The following ADAMTSL1 variants were observed in gnomAD, a reference collection of about 807,000 sequenced individuals.
The protein encoded by ADAMTSL1 is ADAMTS-like protein 1.
In ADAMTSL1, 126 loss-of-function variants were observed where a neutral mutation model predicts 201.8. The ratio of observed to expected loss-of-function variants is 0.62; its 90% CI spans 0.54 to 0.72. ADAMTSL1 has a LOEUF of 0.72. Ranked by LOEUF, ADAMTSL1 falls within the 30% of genes least tolerant of loss-of-function variation. ADAMTSL1 has a pLI of 0.00. For synonymous variants in ADAMTSL1, 1,121 were observed against 903.4 expected (o/e 1.24, Z -4.32); for missense variants, 2,679 against 2,277.8 (o/e 1.18, Z -3.59).
intron 2 of ADAMTSL1, among the ~76,000 whole-genome samples, chr9:18,415,426 T>C (rs1818631916): frequency 6.6e-6 from 1 of 152,162 alleles, no homozygotes; most frequent in Non-Finnish European, 1.5e-5. Context: ...CCATGGACCA[T>C]ATTAGTAACA....
chr9:18,020,974 C>T (rs1003132269), intron 1 of ADAMTSL1, among the ~76,000 whole-genome samples: 7 of 152,086 alleles, frequency 4.6e-5, no homozygotes, highest in Non-Finnish European at 7.4e-5. Flanking sequence ...GTCATCTGGG[C>T]GTGATAGCCC....
chr9:18,514,657 C>G (rs555760982), intron 2 of ADAMTSL1, among the ~76,000 whole-genome samples: 3 of 152,174 alleles, frequency 2.0e-5, no homozygotes, highest in Admixed American at 2.0e-4. Context: ...TTTTGTATCC[C>G]TCAGTTTTAC....
At position 18,220,470 on chromosome 9, in the gene ADAMTSL1, A is replaced by T. The variant is rs12347083; in HGVS notation, c.207+56489A>T. Among the ~76,000 whole-genome samples the T allele has an allele frequency of 3.6e-3, 541 of 152,176 alleles. 2 individuals carry two copies. The highest frequency in any genetic ancestry group is 6.3e-3 in the Non-Finnish European group (430 of 68,006). On this transcript the variant is annotated intron_variant, in intron 2 of 29. Coordinates refer to the ADAMTSL1 transcript ENST00000680146. ...TTTATTGTCATTTTGTCTGTTTTTTAAAATTTTTCAATACCTTCATCTTTA... is the reference window on the plus strand; with the variant it reads ...TTTATTGTCATTTTGTCTGTTTTTTTAAATTTTTCAATACCTTCATCTTTA...
intron 2 of ADAMTSL1, among the ~76,000 whole-genome samples, chr9:18,178,719 C>T (rs1251392345): frequency 1.3e-5 from 2 of 152,078 alleles, no homozygotes; most frequent in African/African-American, 2.4e-5. Context: ...GTCCCTGACC[C>T]CTGACCCCCG....
At chr9:18,367,412 G>A (rs1836815884) in intron 2 of ADAMTSL1, among the ~76,000 whole-genome samples, 3 of 151,536 alleles carry the variant, frequency 2.0e-5, no homozygotes, top group Admixed American at 2.0e-4. Context: ...TGACATAATG[G>A]AAAGAAATGG....
chr9:18,093,925 G>A, intron 1 of ADAMTSL1, among the ~76,000 whole-genome samples: 1 of 152,172 alleles, frequency 6.6e-6, no homozygotes, highest in Admixed American at 6.5e-5. Flanking sequence ...ACTCTAAGAG[G>A]AGAGGAAAAG....
chr9:18,239,050 A>G (rs942952848), intron 2 of ADAMTSL1, among the ~76,000 whole-genome samples: 3 of 152,246 alleles, frequency 2.0e-5, no homozygotes, highest in Non-Finnish European at 4.4e-5. Flanking sequence ...ATAAAAATGA[A>G]TATACCTTAA....
Position 18,122,006 on chromosome 9 carries a change from A to G in ADAMTSL1, c.88-41856A>G, listed in dbSNP as rs148582234. Reference sequence around the variant, plus strand: ...AAAAGGCCATATATCAGATTATTCTATTTATATAAAATATCCAGAATAGGC... The same window carrying G: ...AAAAGGCCATATATCAGATTATTCTGTTTATATAAAATATCCAGAATAGGC... On this transcript the variant is annotated intron_variant, in intron 1 of 29. Transcript: ENST00000680146. 1.0e-3 allele frequency among the ~76,000 whole-genome samples: 157 copies of G among 152,232 alleles called. 3 individuals carry two copies. In the East Asian group the frequency reaches 0.028, roughly 27 times the overall value.
At chr9:18,803,006 G>T in intron 20 of ADAMTSL1, among the ~76,000 whole-genome samples, 1 of 152,154 alleles carries the variant, frequency 6.6e-6, no homozygotes. Context: ...TGTCTTCTTT[G>T]TTGTGGTGAC....
intron 2 of ADAMTSL1, among the ~76,000 whole-genome samples, chr9:18,274,689 C>T (rs1012676852): frequency 2.6e-5 from 4 of 152,078 alleles, no homozygotes; most frequent in African/African-American, 9.7e-5. Flanking sequence ...TTTTCAACCA[C>T]TTTTTCTAGC....
intron 1 of ADAMTSL1, among the ~76,000 whole-genome samples, chr9:17,923,177 G>T (rs1375146307): frequency 6.7e-6 from 1 of 149,752 alleles, no homozygotes; most frequent in African/African-American, 2.5e-5. Context: ...ATTCTGTGAA[G>T]AAAGTCGTTG....
intron 16 of ADAMTSL1, among the ~76,000 whole-genome samples, chr9:18,768,479 A>G (rs1203377380): frequency 9.9e-6 from 1 of 100,954 alleles, no homozygotes; most frequent in African/African-American, 3.9e-5. Context: ...TTTTTTCTGT[A>G]AAGTGGAAAT....
At chr9:18,611,989 C>G (rs1262698166) in intron 4 of ADAMTSL1, among the ~76,000 whole-genome samples, 4 of 152,036 alleles carry the variant, frequency 2.6e-5, no homozygotes, top group African/African-American at 4.8e-5. Flanking sequence ...GGGGGTTGCC[C>G]AAGCTGAAGT....
In ADAMTSL1 at chr9:18,290,608, T is replaced by C. The variant is rs116144453; in HGVS notation, c.207+126627T>C. On this transcript the variant is annotated intron_variant, in intron 2 of 29. Coordinates refer to the ADAMTSL1 transcript ENST00000680146. The stretch of plus-strand genomic sequence containing the variant: ...AACAGGATCTTCCCCCAAACCAACA[T>C]CCATACTTGATGAAAGAAACCAACC... Among the ~76,000 whole-genome samples the C allele has an allele frequency of 9.6e-3, 1,450 of 150,714 alleles. 26 individuals are homozygous for C. The highest frequency in any genetic ancestry group is 0.034 in the African/African-American group (1,398 of 41,026).
At chr9:18,590,420 CCTAA>C (rs1823832361) in intron 4 of ADAMTSL1, among the ~76,000 whole-genome samples, 2 of 151,728 alleles carry the variant, frequency 1.3e-5, no homozygotes, top group Non-Finnish European at 2.9e-5. Context: ...TCTTTGTTAG[CCTAA>C]CTAATGGTTT....
intron 2 of ADAMTSL1, among the ~76,000 whole-genome samples, chr9:18,174,465 CAT>C (rs1160720335): frequency 7.9e-5 from 12 of 152,096 alleles, no homozygotes. Flanking sequence ...CTTCTGGAAT[CAT>C]ATGATCAAAA....
At chr9:17,999,299 G>T (rs1457909064) in intron 1 of ADAMTSL1, among the ~76,000 whole-genome samples, 2 of 151,882 alleles carry the variant, frequency 1.3e-5, no homozygotes, top group African/African-American at 2.4e-5. Context: ...GGCTAGAACT[G>T]GTGAAGCCTA....
At chr9:18,711,626 C>T (rs1040879339) in intron 14 of ADAMTSL1, among the ~76,000 whole-genome samples, 15 of 152,222 alleles carry the variant, frequency 9.9e-5, no homozygotes, top group Non-Finnish European at 1.5e-4. Context: ...ATTGCTAGCA[C>T]AGCAATCTGA....
At chr9:18,345,410 G>GA (rs149275956) in intron 2 of ADAMTSL1, among the ~76,000 whole-genome samples, 72,211 of 151,870 alleles carry the variant, frequency 0.48, 17,506 homozygotes, top group Middle Eastern at 0.52. Flanking sequence ...CTCTATTTCA[G>GA]AAAAAATTGA....
Sources: allele counts gnomAD v4.1 joint callset (sites outside exome capture counted in the v4.1 genomes callset), GRCh38; gene constraint gnomAD v4.1.1; transcripts MANE v1.5; gene names NCBI Gene and HGNC (gene_info 2026-07-23, HGNC 2026-07-21).